The following ITGAV variants were observed in gnomAD, a reference collection of about 807,000 sequenced individuals.
ITGAV encodes the protein integrin subunit alpha V.
A neutral mutation model predicts 143.8 loss-of-function variants in ITGAV; 76 were observed. The ratio of observed to expected loss-of-function variants is 0.53; its 90% CI spans 0.44 to 0.64. The LOEUF is 0.64. ITGAV is among the 30% of genes least tolerant of loss of function. ITGAV has a pLI of 0.00. For synonymous variants in ITGAV, 453 were observed against 446.7 expected, an observed-to-expected ratio of 1.01 and a Z score of -0.18; for missense variants, 1,193 against 1,274.7, an observed-to-expected ratio of 0.94 and a Z score of 0.98.
At chr2:186,641,015 C>T (rs754419974) in intron 11 of ITGAV, 48 bp downstream of exon 11, 26 of 1,340,366 alleles carry the variant, frequency 1.9e-5, no homozygotes, top group East Asian at 4.8e-5. Flanking sequence ...CTCATGTTTA[C>T]GAATACTTTA....
chr2:186,600,057 T>C (rs1311894258), intron 1 of ITGAV: 2 of 452,640 alleles, frequency 4.4e-6, no homozygotes, highest in African/African-American at 2.0e-5. Context: ...TCATTCTTCT[T>C]AAAAAACTCA....
Position 186,666,341 on chromosome 2 carries a change from G to A in ITGAV, c.2167-363G>A, listed in dbSNP as rs568296203. Reference sequence around the variant, plus strand: ...TAAACCATCCATTTCTTCTTTCCTGGCCTATGAACACAGCACATACTTTGG... The same window carrying A: ...TAAACCATCCATTTCTTCTTTCCTGACCTATGAACACAGCACATACTTTGG... On this transcript the variant is annotated intron_variant, in intron 21 of 29. Coordinates refer to ENST00000261023, the MANE Select transcript of ITGAV (RefSeq NM_002210.5). Among the ~76,000 whole-genome samples the A allele has an allele frequency of 1.1e-4, 17 of 152,078 alleles. No individual in the cohort carries two copies. The South Asian group carries it at 3.5e-3, about 32-fold the overall frequency.
chr2:186,669,831 A>G lies in ITGAV; in HGVS notation c.2706+17A>G. 3 of 1,486,674 alleles carry G rather than the reference A, an allele frequency of 2.0e-6. No individual in the cohort carries two copies. Among genetic ancestry groups the G allele is most frequent in the South Asian group, 1.1e-5 (1 of 88,156 alleles). The allele number at this position is 1,486,674 out of a possible 1,614,324, so 92.1% of individuals were successfully genotyped here. ...CACACTTTGGTAAGTGCCATTTCAA[A>G]TATGTGCACCATAGACATTTAAAAA... On this transcript the variant is annotated intron_variant, in intron 26 of 29. Transcript: ENST00000261023.
intron 2 of ITGAV, among the ~76,000 whole-genome samples, chr2:186,615,795 C>G (rs1687338747): frequency 6.6e-6 from 1 of 151,912 alleles, no homozygotes; most frequent in Non-Finnish European, 1.5e-5. Flanking sequence ...TTTTGTAGCA[C>G]AAAAGTTTTT....
intron 2 of ITGAV, among the ~76,000 whole-genome samples, chr2:186,605,681 C>T (rs1304793260): frequency 6.6e-6 from 1 of 150,424 alleles, no homozygotes; most frequent in Non-Finnish European, 1.5e-5. Flanking sequence ...GATGAATGTA[C>T]GATAAGAGGT....
Position 186,602,075 on chromosome 2 carries a change from T to G in ITGAV, c.240T>G (p.Ile80Met). The change falls in exon 2 of 30, where the codon ATT (isoleucine) becomes ATG (methionine). Residue 80 changes from isoleucine to methionine, a missense_variant. By Grantham distance (10) the Ile-to-Met change is conservative. Transcript: ENST00000261023. ...APKANTTQPGIVEGGQVLKCD... is the reference protein window; with the variant it reads ...APKANTTQPGMVEGGQVLKCD... ...AAGCAAACACCACCCAGCCTGGGAT[T>G]GTGGAAGGAGGGCAGGTCCTCAAAT... is the stretch of plus-strand genomic sequence containing the variant. 6.2e-7 allele frequency: 1 copy of G among 1,613,518 alleles called. No individual in the cohort carries two copies. The highest frequency in any genetic ancestry group is 1.1e-5 in the South Asian group (1 of 90,974).
chr2:186,634,354 A>G (rs937407642), intron 6 of ITGAV, among the ~76,000 whole-genome samples: 8 of 152,338 alleles, frequency 5.3e-5, no homozygotes, highest in Admixed American at 3.9e-4. Flanking sequence ...ATATTCAAGC[A>G]TTGTCAGTGT....
At chr2:186,675,548 T>A in intron 26 of ITGAV, 56 bp from the exon 27 acceptor site, 2 of 1,341,876 alleles carry the variant, frequency 1.5e-6, no homozygotes, top group Non-Finnish European at 2.1e-6. Flanking sequence ...AATTTTCAAA[T>A]GTTGAAGAGA....
intron 1 of ITGAV, chr2:186,600,242 G>A: frequency 8.7e-7 from 1 of 1,145,196 alleles, no homozygotes; most frequent in South Asian, 1.5e-5. Flanking sequence ...TTCTTGCCAG[G>A]GTCTTTCTAC....
At position 186,636,171 on chromosome 2, in the gene ITGAV, CG is replaced by C; in HGVS notation, c.723del (p.Thr242LeufsTer25). ...SIKYNNQLAT[R>X]TAQAIFDDSY... ...CAAGTATAATAACCAATTAGCAACT[CG>C]GACTGCACAAGCTATTTTTGATGAC... On this transcript the variant is annotated frameshift_variant, in exon 7 of 30. Coordinates refer to ENST00000261023, the MANE Select transcript of ITGAV (RefSeq NM_002210.5). LOFTEE classifies it high-confidence loss of function. 1 of 1,612,584 alleles carries C rather than the reference CG, an allele frequency of 6.2e-7. No homozygotes were observed. The highest frequency in any genetic ancestry group is 8.5e-7 in the Non-Finnish European group (1 of 1,179,398).
Position 186,630,901 on chromosome 2 carries a change from AT to A in ITGAV, c.585+45del, listed in dbSNP as rs369790128. The A allele has an allele frequency of 2.3e-3, 2,420 of 1,064,990 alleles. 39 individuals carry two copies. The African/African-American group carries it at 0.033, about 14-fold the overall frequency. 66.0% of individuals were successfully genotyped at this position (1,064,990 alleles called of 1,614,324 possible). On this transcript the variant is annotated intron_variant, in intron 5 of 29. Transcript: ENST00000261023. ...ACTGAATGAGATTCACATCTACCTT[AT>A]TGACTAGACTGTGGTTAAAAATAAA...
chr2:186,661,478 T>G (rs1688742711), intron 18 of ITGAV, among the ~76,000 whole-genome samples: 1 of 152,160 alleles, frequency 6.6e-6, no homozygotes, highest in Non-Finnish European at 1.5e-5. Flanking sequence ...GCAGTTCTAG[T>G]GTTTCCCTTT....
At chr2:186,637,481 CAAAA>C (rs5836991) in intron 8 of ITGAV, among the ~76,000 whole-genome samples, 10 of 105,828 alleles carry the variant, frequency 9.4e-5, no homozygotes, top group Admixed American at 1.9e-4. Flanking sequence ...GACCCTGTCT[CAAAA>C]AAAAAAAAAA....
chr2:186,653,461 G>A (rs1244075630), intron 15 of ITGAV, among the ~76,000 whole-genome samples: 1 of 152,094 alleles, frequency 6.6e-6, no homozygotes, highest in East Asian at 1.9e-4. Flanking sequence ...AATGATTGGT[G>A]CCTAAAAAAG....
chr2:186,643,799 C>G (rs1315318225), intron 12 of ITGAV, among the ~76,000 whole-genome samples: 2 of 152,120 alleles, frequency 1.3e-5, no homozygotes, highest in Non-Finnish European at 2.9e-5. Flanking sequence ...TAGGATTTTC[C>G]AGACTCGACA....
At chr2:186,596,021 C>A (rs1156702464) in intron 1 of ITGAV, among the ~76,000 whole-genome samples, 1 of 152,122 alleles carries the variant, frequency 6.6e-6, no homozygotes, top group Non-Finnish European at 1.5e-5. Context: ...TTAAGTTTTA[C>A]ATTTTCTACT....
At chr2:186,668,252 G>A (rs1297627077) in intron 24 of ITGAV, among the ~76,000 whole-genome samples, 1 of 48,972 alleles carries the variant, frequency 2.0e-5, no homozygotes, top group Non-Finnish European at 3.7e-5. Context: ...TTGAGGTGAA[G>A]TCTTGCTCTG....
intron 24 of ITGAV, chr2:186,668,387 G>A (rs1312992402): frequency 2.7e-5 from 6 of 218,402 alleles, no homozygotes; most frequent in South Asian, 6.0e-5. Flanking sequence ...CACCATGCCC[G>A]GCTAATTTTT....
rs5836988 is a variant in ITGAV at position 186,625,678 on chromosome 2, T to TGTGTGTGAGA, written c.523+92_523+93insTGTGTGAGAG. The TGTGTGTGAGA allele has an allele frequency of 7.1e-3, 3,218 of 452,516 alleles. 4 individuals are homozygous for TGTGTGTGAGA. The highest frequency in any genetic ancestry group is 0.012 in the Middle Eastern group (31 of 2,528). 28.0% of individuals were successfully genotyped at this position (452,516 alleles called of 1,614,324 possible). A position where few individuals can be genotyped will look rare whatever the true frequency, so the allele number is the denominator to read the frequency against. ...GTGTGTGTGGGTGTGTGTGTGTGTG[T>TGTGTGTGAGA]GAGAGAGAGAGATATTAAAAGATAT... On this transcript the variant is annotated intron_variant, in intron 4 of 29. Coordinates refer to ENST00000261023, the MANE Select transcript of ITGAV (RefSeq NM_002210.5).
Sources: allele counts gnomAD v4.1 joint callset (sites outside exome capture counted in the v4.1 genomes callset), GRCh38; gene constraint gnomAD v4.1.1; transcripts MANE v1.5; gene names NCBI Gene and HGNC (gene_info 2026-07-23, HGNC 2026-07-21).